RELN: variants seen among roughly 807,000 people sequenced by gnomAD.
RELN encodes the protein reelin.
In RELN, 108 loss-of-function variants were observed where a neutral mutation model predicts 427.6. The ratio of observed to expected loss-of-function variants is 0.25; its 90% CI spans 0.22 to 0.30. The LOEUF is 0.30. Ranked by LOEUF, RELN falls within the 10% of genes least tolerant of loss-of-function variation. The probability of loss-of-function intolerance (pLI) is 1.00; values close to 1 mark genes in which losing one functional copy is unlikely to be tolerated. For missense variants in RELN, 3,715 were observed against 4,302.8 expected (o/e 0.86, Z 3.82); for synonymous variants, 1,524 against 1,513.4 (o/e 1.01, Z -0.16).
intron 59 of RELN, among the ~76,000 whole-genome samples, chr7:103,490,435 A>G (rs1406832899): frequency 6.6e-6 from 1 of 152,214 alleles, no homozygotes; most frequent in Non-Finnish European, 1.5e-5. Flanking sequence ...GTCAAAGGAA[A>G]TCTGAGATCT....
intron 28 of RELN, among the ~76,000 whole-genome samples, chr7:103,588,194 A>G (rs919699922): frequency 4.6e-5 from 7 of 152,174 alleles, no homozygotes; most frequent in African/African-American, 1.7e-4. Flanking sequence ...GGCCATAGAG[A>G]AGAATGAAAT....
chr7:103,617,563 T>C (rs905707351), intron 20 of RELN, among the ~76,000 whole-genome samples: 2 of 151,710 alleles, frequency 1.3e-5, no homozygotes, highest in Admixed American at 1.3e-4. Context: ...TATATGTATA[T>C]ATATGTGTGT....
chr7:103,565,615 C>T (rs1830734033), intron 33 of RELN, 64 bp from the exon 34 acceptor site: 2 of 1,505,216 alleles, frequency 1.3e-6, no homozygotes, highest in South Asian at 1.2e-5. Context: ...GGTGTTTATG[C>T]TTATAATAAA....
intron 12 of RELN, 92 bp downstream of exon 12, chr7:103,661,284 G>T: frequency 1.5e-6 from 2 of 1,336,074 alleles, no homozygotes; most frequent in Non-Finnish European, 2.2e-6. Context: ...TTCATTTTAC[G>T]TAGTTGACAA....
intron 10 of RELN, among the ~76,000 whole-genome samples, chr7:103,690,860 G>A (rs943953724): frequency 6.6e-6 from 1 of 152,108 alleles, no homozygotes; most frequent in African/African-American, 2.4e-5. Flanking sequence ...ATTAGAAGCA[G>A]GATAGGAATG....
At chr7:103,927,672 C>T (rs1048435002) in intron 1 of RELN, among the ~76,000 whole-genome samples, 1 of 152,102 alleles carries the variant, frequency 6.6e-6, no homozygotes, top group African/African-American at 2.4e-5. Context: ...TTTTATTTTA[C>T]AGCATGGCAC....
At chr7:103,684,793 ATAATCATTATTTC>A (rs900887676) in intron 10 of RELN, among the ~76,000 whole-genome samples, 2 of 152,194 alleles carry the variant, frequency 1.3e-5, no homozygotes, top group Non-Finnish European at 2.9e-5. Flanking sequence ...GTGCTACAAA[ATAATCATTATTTC>A]TAAATATACA....
At chr7:103,823,537 T>C in intron 3 of RELN, among the ~76,000 whole-genome samples, 1 of 152,012 alleles carries the variant, frequency 6.6e-6, no homozygotes, top group East Asian at 1.9e-4. Flanking sequence ...CCCATAACCT[T>C]CTTGCAAAAT....
chr7:103,947,586 G>A (rs1217246447), intron 1 of RELN, among the ~76,000 whole-genome samples: 2 of 152,186 alleles, frequency 1.3e-5, no homozygotes, highest in Non-Finnish European at 2.9e-5. Flanking sequence ...ATCTGCCTGG[G>A]GATTTCAGAC....
chr7:103,764,543 A>C (rs1791381562), intron 4 of RELN, among the ~76,000 whole-genome samples: 1 of 152,100 alleles, frequency 6.6e-6, no homozygotes, highest in African/African-American at 2.4e-5. Flanking sequence ...ACAATATAAA[A>C]GCACAAAAAG....
At chr7:103,680,183 G>C (rs1833622912) in intron 11 of RELN, among the ~76,000 whole-genome samples, 9 of 152,092 alleles carry the variant, frequency 5.9e-5, no homozygotes, top group Admixed American at 5.2e-4. Context: ...CACAGAGAAG[G>C]AGAGAGAAGT....
chr7:103,700,872 T>C (rs1834075311), intron 9 of RELN, 38 bp downstream of exon 9: 1 of 1,256,874 alleles, frequency 8.0e-7, no homozygotes, highest in Non-Finnish European at 1.2e-6. Context: ...ACTCCATCTA[T>C]GTCAGAATTT....
At chr7:103,839,314 T>TTTTC (rs1793493647) in intron 2 of RELN, among the ~76,000 whole-genome samples, 1 of 151,112 alleles carries the variant, frequency 6.6e-6, no homozygotes, top group Non-Finnish European at 1.5e-5. Flanking sequence ...TTTTTTTTTT[T>TTTTC]TTTTTTTTAA....
intron 50 of RELN, 140 bp downstream of exon 50, chr7:103,515,045 C>A: frequency 9.5e-7 from 1 of 1,057,910 alleles, no homozygotes; most frequent in Non-Finnish European, 1.4e-6. Context: ...CTGAGAGGAA[C>A]AAAAGGATGA....
intron 2 of RELN, among the ~76,000 whole-genome samples, chr7:103,905,948 G>A (rs1398216504): frequency 6.6e-6 from 1 of 152,100 alleles, no homozygotes; most frequent in Non-Finnish European, 1.5e-5. Flanking sequence ...AAAGATGGCA[G>A]AGGATTTGCC....
intron 27 of RELN, among the ~76,000 whole-genome samples, chr7:103,591,658 G>A (rs1407639938): frequency 6.6e-6 from 1 of 152,164 alleles, no homozygotes; most frequent in Non-Finnish European, 1.5e-5. Flanking sequence ...TGTGGTGAGA[G>A]CAGCCACATT....
intron 24 of RELN, among the ~76,000 whole-genome samples, chr7:103,602,043 C>T (rs927318087): frequency 6.6e-6 from 1 of 152,192 alleles, no homozygotes; most frequent in Non-Finnish European, 1.5e-5. Flanking sequence ...TCTCTAGGAA[C>T]AGCTCTACAT....
At position 103,574,305 on chromosome 7, in the gene RELN, G is replaced by GA. The variant is rs1426202042; in HGVS notation, c.4304-7dup. ...CACACAGGTTCCTTGTGCAGCTTCA[G>GA]AAAAAGAAATAGAGAGGAGAGATGC... On this transcript the variant is annotated splice_region_variant and splice_polypyrimidine_tract_variant and intron_variant, in intron 29 of 64. Transcript: ENST00000428762. 1 of 1,612,554 alleles carries GA rather than the reference G, an allele frequency of 6.2e-7. No homozygotes were observed. The highest frequency in any genetic ancestry group is 8.5e-7 in the Non-Finnish European group (1 of 1,178,670).
In RELN at chr7:103,968,700, C is replaced by A. The variant is rs1796705101; in HGVS notation, c.226+20431G>T. On this transcript the variant is annotated intron_variant, in intron 1 of 64. Coordinates refer to ENST00000428762, the MANE Select transcript of RELN (RefSeq NM_005045.4). The surrounding 1 kb of genome is among the most constrained non-coding windows in gnomAD (Gnocchi z 4.3). Reference sequence around the variant, plus strand: ...AAAGAGGCATTAGATTATTAAGAACCAGTTAGAAAAGGTGAAAATAGAACC... The same window carrying A: ...AAAGAGGCATTAGATTATTAAGAACAAGTTAGAAAAGGTGAAAATAGAACC... Among the ~76,000 whole-genome samples, 2 of 151,862 alleles carry A rather than the reference C, an allele frequency of 1.3e-5. No homozygotes were observed. Among genetic ancestry groups the A allele is most frequent in the Admixed American group, 6.6e-5 (1 of 15,244 alleles).
Sources: gnomAD v4.1 joint callset for allele counts (sites outside exome capture counted in the v4.1 genomes callset) on GRCh38, gnomAD v4.1.1 for gene constraint, Gnocchi (gnomAD v3.1) non-coding constraint, MANE v1.5 for transcripts, NCBI Gene and HGNC (gene_info 2026-07-23, HGNC 2026-07-21) for gene names.